NASP: variants seen among roughly 807,000 people sequenced by gnomAD.
NASP encodes NASP histone chaperone.
NASP carries 24 observed loss-of-function variants against 89.5 expected under a neutral mutation model. That is an observed-to-expected ratio of 0.27 (90% CI 0.19 to 0.38). NASP has a LOEUF of 0.38. Among genes scored for constraint, NASP ranks in the 10% least tolerant of loss-of-function variants. NASP has a pLI of 1.00. For missense variants in NASP, 848 were observed against 921.4 expected, an observed-to-expected ratio of 0.92 and a Z score of 1.03; for synonymous variants, 306 against 324.7, an observed-to-expected ratio of 0.94 and a Z score of 0.62.
At chr1:45,587,879 G>A (rs900080488) in intron 1 of NASP, among the ~76,000 whole-genome samples, 1 of 150,440 alleles carries the variant, frequency 6.6e-6, no homozygotes, top group Non-Finnish European at 1.5e-5. Context: ...GCTTGAAACC[G>A]GGAGGCAGAG....
intron 6 of NASP, among the ~76,000 whole-genome samples, chr1:45,608,861 T>G (rs970404405): frequency 6.6e-6 from 1 of 152,206 alleles, no homozygotes; most frequent in African/African-American, 2.4e-5. Flanking sequence ...CAGTTAACCT[T>G]GACTGTTGTA....
intron 2 of NASP, chr1:45,594,724 G>A: frequency 2.2e-6 from 1 of 455,440 alleles, no homozygotes; most frequent in South Asian, 1.6e-5. Context: ...GCCCAGGCTG[G>A]GGCTCAAGCC....
intron 1 of NASP, 35 bp downstream of exon 1, chr1:45,584,240 C>T (rs1300989140): frequency 1.3e-6 from 2 of 1,551,522 alleles, no homozygotes; most frequent in Non-Finnish European, 8.7e-7. Flanking sequence ...AGGCACTGGC[C>T]AGTCCGCGGG....
Position 45,608,189 on chromosome 1 carries a change from G to A in NASP, c.1278G>A (p.Lys426=), listed in dbSNP as rs764527198. 1.9e-6 allele frequency: 3 copies of A among 1,614,210 alleles called. No individual in the cohort carries two copies. In the South Asian group the frequency reaches 3.3e-5, roughly 18 times the overall value. The change falls in exon 6 of 15, where the codon AAG becomes AAA. Residue 426 remains lysine, a synonymous_variant. Coordinates refer to ENST00000350030, the MANE Select transcript of NASP (RefSeq NM_002482.4). ...AKLVPSQEET[K]LSVEESEAAG... is the part of the protein sequence containing the mutation. Reference sequence around the variant, plus strand: ...TGGTTCCTAGTCAGGAGGAGACTAAGCTGTCTGTAGAAGAGTCTGAGGCAG... The same window carrying A: ...TGGTTCCTAGTCAGGAGGAGACTAAACTGTCTGTAGAAGAGTCTGAGGCAG...
chr1:45,614,795 C>T (rs929025808), intron 9 of NASP, among the ~76,000 whole-genome samples: 2 of 152,014 alleles, frequency 1.3e-5, no homozygotes, highest in African/African-American at 4.8e-5. Context: ...CCTCAGCCTC[C>T]CAAAGTGCTG....
At chr1:45,587,672 AT>A (rs1644573905) in intron 1 of NASP, among the ~76,000 whole-genome samples, 4 of 70,246 alleles carry the variant, frequency 5.7e-5, no homozygotes, top group East Asian at 8.3e-4. Flanking sequence ...ATATATATAT[AT>A]ATATATATAT....
chr1:45,611,915 A>C (rs1416753490), intron 6 of NASP: 1 of 135,558 alleles, frequency 7.4e-6, no homozygotes, highest in Non-Finnish European at 1.5e-5. Flanking sequence ...GCTGGAGTGC[A>C]GTGGTGCGAT....
intron 4 of NASP, 65 bp from the exon 5 acceptor site, chr1:45,606,417 C>T: frequency 8.8e-7 from 1 of 1,140,042 alleles, no homozygotes; most frequent in Admixed American, 1.8e-5. Context: ...ACTGTATTTT[C>T]TGTCTTAGAA....
intron 4 of NASP, among the ~76,000 whole-genome samples, 175 bp from the exon 5 acceptor site, chr1:45,606,307 C>G (rs1475124653): frequency 5.3e-5 from 8 of 152,128 alleles, no homozygotes; most frequent in Non-Finnish European, 1.0e-4. Flanking sequence ...CTCTTGCAGT[C>G]TTAATTTATA....
rs746616499 is a variant in NASP, at chr1:45,607,577, G to A, written c.666G>A (p.Pro222=). Residue 222 remains proline (P), a synonymous_variant, in exon 6 of 15, where the codon CCG becomes CCA. Coordinates refer to ENST00000350030, the MANE Select transcript of NASP (RefSeq NM_002482.4). The part of the protein sequence containing the change: ...EAKGGAAPEG[P]NEAEVTSGKP... The stretch of plus-strand genomic sequence containing the variant: ...AAGGAGGAGCAGCACCAGAAGGACC[G>A]AATGAAGCTGAGGTCACTTCTGGGA... 6.2e-6 allele frequency: 10 copies of A among 1,613,770 alleles called. No individual in the cohort carries two copies. The Admixed American group carries it at 1.0e-4, about 16-fold the overall frequency.
intron 13 of NASP, 97 bp from the exon 14 acceptor site, chr1:45,617,366 C>T (rs998010510): frequency 1.4e-6 from 2 of 1,407,414 alleles, no homozygotes; most frequent in Non-Finnish European, 1.9e-6. Context: ...TCCTGATGTT[C>T]AGGATCTTTG....
chr1:45,593,535 C>CCA (rs1461638699), intron 2 of NASP, among the ~76,000 whole-genome samples: 1 of 82,418 alleles, frequency 1.2e-5, no homozygotes, highest in Non-Finnish European at 2.3e-5. Flanking sequence ...TGTCCCCCCC[C>CCA]AAAAAAAAAA....
chr1:45,586,283 T>G (rs60898364), intron 1 of NASP, among the ~76,000 whole-genome samples: 49 of 85,388 alleles, frequency 5.7e-4, no homozygotes, highest in East Asian at 2.9e-3. Context: ...TGTGTGTGTG[T>G]GGTGTGTGTG....
At position 45,616,388 on chromosome 1, in the gene NASP, T is replaced by C; in HGVS notation, c.2074T>C (p.Ser692Pro). The change falls in exon 12 of 15, where the codon TCC (serine) becomes CCC (proline). Residue 692 changes from serine to proline, a missense_variant. Coordinates refer to ENST00000350030, the MANE Select transcript of NASP (RefSeq NM_002482.4). ...TCCTGGTGGAGGAGGCTCTTCAGTC[T>C]CCATGGTGCGTATTCAGGTGGTTTT... ...FTPGGGGSSV[S>P]MIASRKPTDG... 1 of 1,614,102 alleles carries C rather than the reference T, an allele frequency of 6.2e-7. No individual in the cohort carries two copies. Among genetic ancestry groups the C allele is most frequent in the East Asian group, 2.2e-5 (1 of 44,880 alleles).
intron 1 of NASP, among the ~76,000 whole-genome samples, chr1:45,588,284 A>G (rs959813221): frequency 4.6e-5 from 7 of 151,384 alleles, no homozygotes; most frequent in African/African-American, 1.7e-4. Context: ...TTGTATTTTT[A>G]GTAGAAATGA....
chr1:45,601,864 A>T (rs1012103371), intron 2 of NASP, among the ~76,000 whole-genome samples: 1 of 138,170 alleles, frequency 7.2e-6, no homozygotes, highest in Admixed American at 8.6e-5. Context: ...ATGCCATTCT[A>T]CTGCCTCAGC....
intron 2 of NASP, among the ~76,000 whole-genome samples, chr1:45,601,787 G>T (rs576889022): frequency 1.3e-4 from 13 of 102,570 alleles, no homozygotes; most frequent in Non-Finnish European, 2.1e-4. Flanking sequence ...GTGGAGTCTC[G>T]CTTTGTTGAC....
Position 45,615,172 on chromosome 1 carries a change from A to G in NASP, c.1826A>G (p.Lys609Arg), listed in dbSNP as rs147650410. ...GATGAGGCAGTGGCACAGTTCAGCA[A>G]ATCTATTGAAGTCATTGAGAACAGA... The part of the protein sequence containing the change: ...QYDEAVAQFS[K>R]SIEVIENRMA... The change falls in exon 10 of 15, where the codon AAA (lysine) becomes AGA (arginine). Residue 609 changes from lysine (K) to arginine (R), a missense_variant. By Grantham distance (26) the Lys-to-Arg change is conservative. Transcript: ENST00000350030. 1.9e-4 allele frequency: 314 copies of G among 1,614,062 alleles called. No individual in the cohort carries two copies. In the Middle Eastern group the frequency reaches 2.6e-3, roughly 14 times the overall value.
chr1:45,608,259 A>G lies in NASP; in HGVS notation c.1348A>G (p.Lys450Glu), dbSNP rs748993197. 6.2e-7 allele frequency: 1 copy of G among 1,613,986 alleles called. No individual in the cohort carries two copies. The highest frequency in any genetic ancestry group is 1.1e-5 in the South Asian group (1 of 91,060). The change falls in exon 6 of 15, where the codon AAA becomes GAA. Residue 450 changes from lysine (K) to glutamate (E), a missense_variant. Physicochemically the swap from Lys to Glu is moderately conservative, Grantham distance 56 (BLOSUM62 1). Around this residue, in one of 5 missense-constraint regions of NASP, gnomAD observed 464 missense variants for 469.4 expected, o/e 0.99. Coordinates refer to ENST00000350030, the MANE Select transcript of NASP (RefSeq NM_002482.4). ...CAAGGTAGCCCAGGGAGCTACTGAG[A>G]AATCACCTGAAGACAAAGTTCAGAT... ...DTKVAQGATEKSPEDKVQIAA... is the reference protein window; with the variant it reads ...DTKVAQGATEESPEDKVQIAA...
Sources: gnomAD v4.1 joint callset for allele counts (sites outside exome capture counted in the v4.1 genomes callset) on GRCh38, gnomAD v4.1.1 for gene constraint, gnomAD v4.1.1 regional missense constraint, MANE v1.5 for transcripts, NCBI Gene and HGNC (gene_info 2026-07-23, HGNC 2026-07-21) for gene names.